The following RPL3 variants were observed in gnomAD, a reference collection of about 807,000 sequenced individuals.
The protein encoded by RPL3 is large ribosomal subunit protein uL3.
Under a neutral mutation model 46.0 loss-of-function variants are expected in RPL3, and 3 were observed. That is an observed-to-expected ratio of 0.07 (90% CI 0.03 to 0.17). The LOEUF is 0.17. RPL3 is among the 10% of genes least tolerant of loss of function. The pLI is 1.00. For missense variants in RPL3, 387 were observed against 532.7 expected (o/e 0.73, Z 2.69); for synonymous variants, 224 against 190.8 (o/e 1.17, Z -1.43).
chr22:39,319,057 G>A (rs761092699), intron 1 of RPL3: 2 of 537,710 alleles, frequency 3.7e-6, no homozygotes, highest in South Asian at 1.4e-5. Flanking sequence ...AGCCAAATCA[G>A]AACGTGACAA....
Position 39,315,388 on chromosome 22 carries a change from G to A in RPL3, c.669C>T (p.Thr223=), listed in dbSNP as rs762214025. The A allele has an allele frequency of 8.1e-6, 13 of 1,613,908 alleles. No homozygotes were observed. The highest frequency in any genetic ancestry group is 1.1e-5 in the Non-Finnish European group (13 of 1,180,054). ...GCTCACCTTTGTAGCCTTTGCCCTT[G>A]GTCACCCCGATGACGTCGATCATCT... ...QDEMIDVIGV[T]KGKGYKGVTS... is the part of the protein sequence containing the mutation. Residue 223 remains threonine, a synonymous_variant, in exon 5 of 10, where the codon ACC becomes ACT. Transcript: ENST00000216146.
In RPL3 at chr22:39,313,656, T is replaced by C; in HGVS notation, c.1025A>G (p.Lys342Arg). 1 of 1,614,038 alleles carries C rather than the reference T, an allele frequency of 6.2e-7. No individual in the cohort carries two copies. The highest frequency in any genetic ancestry group is 1.1e-5 in the South Asian group (1 of 91,086). Residue 342 changes from lysine (K) to arginine (R), a missense_variant, in exon 8 of 10, where the codon AAG (lysine) becomes AGG (arginine). Transcript: ENST00000216146. ...CACCTTGCGGAGGGTGAGCACCCGCTTCTTGGTTCCCACCACACAGCCTTT... is the reference window on the plus strand; with the variant it reads ...CACCTTGCGGAGGGTGAGCACCCGCCTCTTGGTTCCCACCACACAGCCTTT... ...MLKGCVVGTK[K>R]RVLTLRKSLL...
chr22:39,315,216 G>A (rs1381208132), intron 5 of RPL3, 153 bp downstream of exon 5: 7 of 1,132,872 alleles, frequency 6.2e-6, no homozygotes, highest in Admixed American at 5.0e-5. Context: ...CCACAAGGCT[G>A]TTCTCAGAAG....
intron 4 of RPL3, 67 bp from the exon 5 acceptor site, chr22:39,315,622 C>A: frequency 6.3e-7 from 1 of 1,575,082 alleles, no homozygotes; most frequent in South Asian, 1.1e-5. Flanking sequence ...GGAACTGCAG[C>A]TCCATGCGGC....
intron 3 of RPL3, chr22:39,317,137 T>C: frequency 3.4e-6 from 2 of 581,580 alleles, no homozygotes; most frequent in Admixed American, 3.1e-5. Flanking sequence ...AAATGGGACA[T>C]TCCACCCAGG....
In RPL3 at chr22:39,313,167, A is replaced by AG. The variant is rs771054394; in HGVS notation, c.1167+23dup. The AG allele has an allele frequency of 2.3e-5, 37 of 1,605,746 alleles. No homozygotes were observed. The East Asian group carries it at 2.7e-4, about 12-fold the overall frequency. The stretch of plus-strand genomic sequence containing the variant: ...GCTGCCCAAGCCACCACACCCAGCG[A>AG]GGGGGGCAGGCAGAGGTGCTCACCA... On this transcript the variant is annotated intron_variant, in intron 9 of 9. Coordinates refer to ENST00000216146, the MANE Select transcript of RPL3 (RefSeq NM_000967.4).
At chr22:39,317,021 G>A (rs1226507549) in intron 3 of RPL3, 180 bp from the exon 4 acceptor site, 9 of 869,564 alleles carry the variant, frequency 1.0e-5, no homozygotes, top group South Asian at 1.5e-5. Context: ...GCCGAGCGGA[G>A]CTGAGCAGAG....
intron 4 of RPL3, 47 bp downstream of exon 4, chr22:39,316,659 A>G: frequency 6.2e-7 from 1 of 1,611,150 alleles, no homozygotes. Flanking sequence ...CACATAGGTC[A>G]CTTCTACTAA....
chr22:39,318,327 G>A, intron 2 of RPL3, 73 bp downstream of exon 2: 1 of 1,530,266 alleles, frequency 6.5e-7, no homozygotes, highest in South Asian at 1.2e-5. Context: ...TCTGCTAACA[G>A]CTTGACTCCA....
intron 3 of RPL3, 74 bp from the exon 4 acceptor site, chr22:39,316,915 G>T: frequency 6.2e-7 from 1 of 1,607,286 alleles, no homozygotes; most frequent in Non-Finnish European, 8.5e-7. Flanking sequence ...GTGAGCGGAA[G>T]GCACACTGGC....
chr22:39,313,434 A>G, intron 8 of RPL3, 124 bp from the exon 9 acceptor site: 1 of 1,471,886 alleles, frequency 6.8e-7, no homozygotes, highest in South Asian at 1.3e-5. Context: ...CATCCGGCAG[A>G]TGAGGACACA....
At position 39,316,725 on chromosome 22, in the gene RPL3, C is replaced by T. The variant is rs141775550; in HGVS notation, c.482G>A (p.Arg161His). 40 of 1,612,432 alleles carry T rather than the reference C, an allele frequency of 2.5e-5. No individual in the cohort carries two copies. Among genetic ancestry groups the T allele is most frequent in the Non-Finnish European group, 3.2e-5 (38 of 1,179,870 alleles). The change falls in exon 4 of 10, where the codon CGT becomes CAT. Residue 161 changes from arginine (R) to histidine (H), a missense_variant. Around this residue, in one of 5 missense-constraint regions of RPL3, gnomAD observed 196 missense variants for 217.5 expected, o/e 0.90. Transcript: ENST00000216146. ...SSMKKYCQVI[R>H]VIAHTQMRLL... ...GCTCACCTGGGTGTGGGCAATGACACGGATGACTTGGCAGTACTTCTTCAT... is the reference window on the plus strand; with the variant it reads ...GCTCACCTGGGTGTGGGCAATGACATGGATGACTTGGCAGTACTTCTTCAT...
At chr22:39,313,796 T>G (rs755991608) in intron 7 of RPL3, 67 bp from the exon 8 acceptor site, 2 of 1,409,636 alleles carry the variant, frequency 1.4e-6, no homozygotes, top group Non-Finnish European at 2.0e-6. Flanking sequence ...CCCCTCCAGG[T>G]TCAGGCCCTC....
intron 1 of RPL3, 103 bp from the exon 2 acceptor site, chr22:39,318,695 C>A: frequency 1.0e-6 from 1 of 962,322 alleles, no homozygotes; most frequent in Non-Finnish European, 1.5e-6. Context: ...CTGAAGAATC[C>A]TGACCAGACA....
At chr22:39,318,031 A>G in intron 2 of RPL3, 1 of 346,050 alleles carries the variant, frequency 2.9e-6, no homozygotes, top group Non-Finnish European at 5.4e-6. Context: ...GAACACACAC[A>G]GGTAAGTGGC....
intron 4 of RPL3, among the ~76,000 whole-genome samples, chr22:39,316,278 T>C (rs554510139): frequency 6.6e-6 from 1 of 150,974 alleles, no homozygotes; most frequent in Admixed American, 6.6e-5. Context: ...AAGCTTTCAC[T>C]CAAGGACAGC....
At chr22:39,314,046 G>T in intron 7 of RPL3, 61 bp downstream of exon 7, 2 of 1,407,514 alleles carry the variant, frequency 1.4e-6, no homozygotes, top group Non-Finnish European at 2.0e-6. Flanking sequence ...CTAGGAAGCA[G>T]CCTATCCCCA....
Position 39,315,011 on chromosome 22 carries a change from G to A in RPL3, c.689-165C>T, listed in dbSNP as rs112015369. ...CCCTGTCAAGCTGGATAGGCTCTGG[G>A]GGTGTCACCCTGAACTCAATTCTGA... On this transcript the variant is annotated intron_variant, in intron 5 of 9. Coordinates refer to ENST00000216146, the MANE Select transcript of RPL3 (RefSeq NM_000967.4). 4 of 1,001,152 alleles carry A rather than the reference G, an allele frequency of 4.0e-6. No homozygotes were observed. The African/African-American group carries it at 4.9e-5, about 12-fold the overall frequency. The allele number at this position is 1,001,152 out of a possible 1,614,324, so 62.0% of individuals were successfully genotyped here.
intron 7 of RPL3, 98 bp from the exon 8 acceptor site, chr22:39,313,827 C>T (rs1922509806): frequency 8.8e-7 from 1 of 1,137,518 alleles, no homozygotes. Flanking sequence ...GGGCTGTTCT[C>T]AGAAGGAAGG....
Sources: gnomAD v4.1 joint callset for allele counts (sites outside exome capture counted in the v4.1 genomes callset) on GRCh38, gnomAD v4.1.1 for gene constraint, gnomAD v4.1.1 regional missense constraint, MANE v1.5 for transcripts, NCBI Gene and HGNC (gene_info 2026-07-23, HGNC 2026-07-21) for gene names.